The following H6PD variants were observed in gnomAD, a reference collection of about 807,000 sequenced individuals.
H6PD encodes the protein GDH/6PGL endoplasmic bifunctional protein.
Under a neutral mutation model 61.2 loss-of-function variants are expected in H6PD, and 48 were observed. The observed-to-expected ratio is 0.78, with a 90% CI of 0.62 to 1.00. H6PD has a LOEUF of 1.00. Among genes scored for constraint, H6PD ranks in the 50% least tolerant of loss-of-function variants. The pLI, the probability that H6PD is intolerant of heterozygous loss-of-function variation, is 0.00. For missense variants in H6PD, 1,093 were observed against 1,065.0 expected (o/e 1.03, Z -0.37); for synonymous variants, 480 against 457.9 (o/e 1.05, Z -0.62).
chr1:9,263,436 A>G (rs544218562), intron 4 of H6PD, 73 bp from the exon 5 acceptor site: 60 of 1,464,694 alleles, frequency 4.1e-5, no homozygotes, highest in Admixed American at 4.0e-4. Flanking sequence ...GGAGCCGGCA[A>G]GGAGAGGAGA....
At position 9,267,574 on chromosome 1, in the gene H6PD, G is replaced by A. The variant is rs1252684442; in HGVS notation, c.*2705G>A. On this transcript the variant is annotated 3_prime_UTR_variant, in exon 5 of 5. Transcript: ENST00000377403. ...TCCTGTTCTAACTCAGCCCTGCCTCGGATGCACCACCGATCTGTGCAGAGT... is the reference window on the plus strand; with the variant it reads ...TCCTGTTCTAACTCAGCCCTGCCTCAGATGCACCACCGATCTGTGCAGAGT... 1 of 152,218 alleles carries A rather than the reference G, an allele frequency of 6.6e-6. No homozygotes were observed. The highest frequency in any genetic ancestry group is 1.5e-5 in the Non-Finnish European group (1 of 68,058). The allele number at this position is 152,218 out of a possible 1,614,324, so 9.4% of individuals were successfully genotyped here.
chr1:9,260,256 T>A (rs1464564990), intron 3 of H6PD, among the ~76,000 whole-genome samples: 1 of 148,958 alleles, frequency 6.7e-6, no homozygotes, highest in Non-Finnish European at 1.5e-5. Flanking sequence ...GTTACACCAG[T>A]GCTGTTATGT....
chr1:9,264,408 C>T lies in H6PD; in HGVS notation c.1915C>T (p.His639Tyr). The stretch of plus-strand genomic sequence containing the variant: ...GTCCAACTTCCAGGGCCTGCAGGCC[C>T]ACCTGCTGCAGCACGTCCGGATCCC... ...PESNFQGLQA[H>Y]LLQHVRIPYY... Residue 639 changes from histidine to tyrosine, a missense_variant, in exon 5 of 5, where the codon CAC becomes TAC. His to Tyr is a moderately conservative substitution (Grantham distance 83, BLOSUM62 2). Coordinates refer to ENST00000377403, the MANE Select transcript of H6PD (RefSeq NM_004285.4). 1 of 1,612,968 alleles carries T rather than the reference C, an allele frequency of 6.2e-7. No individual in the cohort carries two copies. The highest frequency in any genetic ancestry group is 8.5e-7 in the Non-Finnish European group (1 of 1,179,832).
chr1:9,261,363 G>A (rs908142163), intron 3 of H6PD, among the ~76,000 whole-genome samples: 3 of 151,964 alleles, frequency 2.0e-5, no homozygotes, highest in African/African-American at 7.3e-5. Context: ...TCGGGGCTTT[G>A]GCACCTGAGG....
intron 4 of H6PD, among the ~76,000 whole-genome samples, chr1:9,263,273 G>A (rs1293157749): frequency 6.6e-6 from 1 of 152,160 alleles, no homozygotes; most frequent in Admixed American, 6.5e-5. Context: ...CTCTAAGAGG[G>A]GCCTCAATGA....
chr1:9,258,416 G>A (rs559838291), intron 3 of H6PD, among the ~76,000 whole-genome samples: 2 of 152,142 alleles, frequency 1.3e-5, no homozygotes, highest in East Asian at 3.8e-4. Context: ...TGTTATGTCA[G>A]TGTTAATGTT....
intron 3 of H6PD, among the ~76,000 whole-genome samples, chr1:9,260,055 A>G (rs1641670811): frequency 6.7e-6 from 1 of 150,188 alleles, no homozygotes; most frequent in Non-Finnish European, 1.5e-5. Context: ...TGCTGGTGTT[A>G]TGTTGTTACT....
In H6PD at chr1:9,254,150, G is replaced by A. The variant is rs540591839; in HGVS notation, c.745+7067G>A. Among the ~76,000 whole-genome samples the A allele has an allele frequency of 1.7e-3, 255 of 152,228 alleles. 2 individuals carry two copies. Among genetic ancestry groups the A allele is most frequent in the Non-Finnish European group, 3.2e-3 (215 of 68,008 alleles). On this transcript the variant is annotated intron_variant, in intron 3 of 4. Coordinates refer to ENST00000377403, the MANE Select transcript of H6PD (RefSeq NM_004285.4). This position sits in a 1 kb window ranked among gnomAD's most constrained non-coding sequence, Gnocchi z 4.6. ...ACGGGTGGATCACTTGAGGTCAGGC[G>A]TTCAAGACCAGCCTGGTCAAATGGT...
intron 1 of H6PD, 33 bp downstream of exon 1, chr1:9,235,099 C>G (rs1373204053): frequency 6.7e-6 from 1 of 148,956 alleles, no homozygotes; most frequent in East Asian, 2.0e-4. Flanking sequence ...GCCGCCGCCC[C>G]GGCCCCGGCG....
chr1:9,260,729 T>G lies in H6PD; in HGVS notation c.746-1330T>G, dbSNP rs554497524. Among the ~76,000 whole-genome samples, 63 of 152,176 alleles carry G rather than the reference T, an allele frequency of 4.1e-4. 1 individual carries two copies. Among genetic ancestry groups the G allele is most frequent in the Middle Eastern group, 6.8e-3 (2 of 294 alleles). On this transcript the variant is annotated intron_variant, in intron 3 of 4. Transcript: ENST00000377403. ...CTGGTGTTGTGTTGTTAGGCTGGTG[T>G]TGTTATGTTGCTGTTGTTATGCTGG... is the stretch of plus-strand genomic sequence containing the variant.
intron 3 of H6PD, among the ~76,000 whole-genome samples, chr1:9,251,599 G>C (rs926997309): frequency 1.3e-5 from 2 of 152,148 alleles, no homozygotes; most frequent in Non-Finnish European, 2.9e-5. Context: ...GCCTCTCACC[G>C]AGGGACCAGG....
At chr1:9,238,203 G>T (rs1301745226) in intron 1 of H6PD, among the ~76,000 whole-genome samples, 1 of 152,192 alleles carries the variant, frequency 6.6e-6, no homozygotes, top group Non-Finnish European at 1.5e-5. Context: ...CAGGCGGAGA[G>T]AACAAGTGCA....
chr1:9,235,812 A>G (rs939371294), intron 1 of H6PD, among the ~76,000 whole-genome samples: 7 of 151,962 alleles, frequency 4.6e-5, no homozygotes, highest in African/African-American at 1.7e-4. Flanking sequence ...TGGTCTCACT[A>G]TGTTGCCCTG....
Position 9,264,616 on chromosome 1 carries a change from C to T in H6PD, c.2123C>T (p.Thr708Ile), listed in dbSNP as rs780893950. 2 of 1,613,058 alleles carry T rather than the reference C, an allele frequency of 1.2e-6. No individual in the cohort carries two copies. The highest frequency in any genetic ancestry group is 2.2e-5 in the East Asian group (1 of 44,896). Residue 708 changes from threonine to isoleucine, a missense_variant, in exon 5 of 5, where the codon ACT (threonine) becomes ATT (isoleucine). By Grantham distance (89) the Thr-to-Ile change is moderately conservative. Transcript: ENST00000377403. ...HTASLFPQSP[T>I]GLDGEQLVVL... ...GCCTCCCTCTTCCCACAGTCACCCA[C>T]TGGCCTGGATGGCGAGCAGCTGGTC...
In H6PD at chr1:9,264,274, GC is replaced by G; in HGVS notation, c.1785del (p.Val596TrpfsTer123). 1 of 1,610,050 alleles carries G rather than the reference GC, an allele frequency of 6.2e-7. No individual in the cohort carries two copies. Among genetic ancestry groups the G allele is most frequent in the Non-Finnish European group, 8.5e-7 (1 of 1,179,452 alleles). ...QFHLALSGGS[S>X]PVALFQQLAT... is the part of the protein sequence containing the mutation. Reference sequence around the variant, plus strand: ...CACCTGGCACTGTCGGGGGGCTCGAGCCCCGTGGCCCTGTTCCAGCAGCTGG... The same window carrying G: ...CACCTGGCACTGTCGGGGGGCTCGAGCCCGTGGCCCTGTTCCAGCAGCTGG... On this transcript the variant is annotated frameshift_variant, in exon 5 of 5. Transcript: ENST00000377403. LOFTEE classifies it high-confidence loss of function.
At position 9,262,066 on chromosome 1, in the gene H6PD, C is replaced by T. The variant is rs1374820363; in HGVS notation, c.753C>T (p.Thr251=). ...MKETVDAEGR[T]SFYEEYGVIR... ...TCCACCTCCCTCCACCAGGCCGCAC[C>T]AGCTTCTATGAGGAGTACGGTGTCA... The change falls in exon 4 of 5, where the codon ACC becomes ACT. Residue 251 remains threonine, a synonymous_variant. Transcript: ENST00000377403. 5.0e-6 allele frequency: 8 copies of T among 1,614,230 alleles called. No homozygotes were observed. Among genetic ancestry groups the T allele is most frequent in the Middle Eastern group, 1.6e-4 (1 of 6,062 alleles).
chr1:9,263,599 C>T lies in H6PD; in HGVS notation c.1106C>T (p.Ala369Val), dbSNP rs1638414593. 1.2e-6 allele frequency: 2 copies of T among 1,614,130 alleles called. No individual in the cohort carries two copies. The highest frequency in any genetic ancestry group is 1.3e-5 in the African/African-American group (1 of 74,948). The change falls in exon 5 of 5, where the codon GCT becomes GTT. Residue 369 changes from alanine to valine, a missense_variant. Coordinates refer to ENST00000377403, the MANE Select transcript of H6PD (RefSeq NM_004285.4). ...GKALDERVGYARILFKNQACC... is the reference protein window; with the variant it reads ...GKALDERVGYVRILFKNQACC... The stretch of plus-strand genomic sequence containing the variant: ...GCCTTGGACGAGAGAGTGGGCTACG[C>T]TCGGATCTTGTTCAAGAACCAGGCC...
chr1:9,256,980 G>C (rs1294294607), intron 3 of H6PD, among the ~76,000 whole-genome samples: 2 of 152,070 alleles, frequency 1.3e-5, no homozygotes, highest in African/African-American at 4.8e-5. Flanking sequence ...TCTGTGTCCA[G>C]CATTTGGGAG....
At chr1:9,263,021 C>T (rs1638382288) in intron 4 of H6PD, among the ~76,000 whole-genome samples, 1 of 152,176 alleles carries the variant, frequency 6.6e-6, no homozygotes, top group African/African-American at 2.4e-5. Context: ...TCCTTGCCAA[C>T]ACCCCACCCA....
Sources: allele counts gnomAD v4.1 joint callset (sites outside exome capture counted in the v4.1 genomes callset), GRCh38; gene constraint gnomAD v4.1.1; non-coding constraint Gnocchi (gnomAD v3.1); transcripts MANE v1.5; gene names NCBI Gene and HGNC (gene_info 2026-07-23, HGNC 2026-07-21).